The following TGFBR3 variants were observed in gnomAD, a reference collection of about 807,000 sequenced individuals.
TGFBR3 encodes transforming growth factor beta receptor type 3.
A neutral mutation model predicts 87.9 loss-of-function variants in TGFBR3; 46 were observed. That is an observed-to-expected ratio of 0.52 (90% CI 0.41 to 0.67). The LOEUF is 0.67. Among genes scored for constraint, TGFBR3 ranks in the 30% least tolerant of loss-of-function variants. The pLI is 0.00. For missense variants in TGFBR3, 866 were observed against 1,041.9 expected (o/e 0.83, Z 2.32); for synonymous variants, 381 against 391.6 (o/e 0.97, Z 0.32).
At chr1:91,709,697 T>C (rs1671916581) in intron 13 of TGFBR3, among the ~76,000 whole-genome samples, 1 of 152,186 alleles carries the variant, frequency 6.6e-6, no homozygotes, top group Non-Finnish European at 1.5e-5. Flanking sequence ...AAAAATATGA[T>C]CACACTCCGC....
chr1:91,817,339 T>C (rs761887587), intron 2 of TGFBR3, among the ~76,000 whole-genome samples: 30 of 152,174 alleles, frequency 2.0e-4, no homozygotes, highest in Non-Finnish European at 3.5e-4. Flanking sequence ...ATTAGCACTG[T>C]GTAATATATA....
At chr1:91,804,324 T>C (rs1407343725) in intron 2 of TGFBR3, among the ~76,000 whole-genome samples, 1 of 152,130 alleles carries the variant, frequency 6.6e-6, no homozygotes, top group African/African-American at 2.4e-5. Context: ...TCCCGGACAC[T>C]CTTCTGGCCA....
intron 3 of TGFBR3, chr1:91,786,260 C>G (rs778484702): frequency 6.6e-6 from 3 of 456,038 alleles, no homozygotes; most frequent in Non-Finnish European, 1.3e-5. Flanking sequence ...ATTATGAGAG[C>G]ATTATTTAGA....
intron 7 of TGFBR3, 84 bp downstream of exon 7, chr1:91,727,575 A>C (rs1258557680): frequency 6.4e-7 from 1 of 1,563,184 alleles, no homozygotes; most frequent in Non-Finnish European, 8.8e-7. Context: ...AGAGGCAGGA[A>C]CTTTAAAAAT....
intron 2 of TGFBR3, among the ~76,000 whole-genome samples, chr1:91,894,892 TC>T (rs1392612129): frequency 6.6e-6 from 1 of 152,204 alleles, no homozygotes; most frequent in African/African-American, 2.4e-5. Context: ...TGCCTCAGCC[TC>T]CCGAGTAGCT....
At chr1:91,868,561 T>C (rs993981950) in intron 1 of TGFBR3, among the ~76,000 whole-genome samples, 2 of 152,196 alleles carry the variant, frequency 1.3e-5, no homozygotes, top group Admixed American at 1.3e-4. Flanking sequence ...TATTTGATGA[T>C]TCCCAATTAG....
chr1:91,783,912 G>A (rs888134547), intron 3 of TGFBR3, among the ~76,000 whole-genome samples: 1 of 152,138 alleles, frequency 6.6e-6, no homozygotes, highest in African/African-American at 2.4e-5. Flanking sequence ...AGAATTGGCT[G>A]GAGTCACCCC....
At chr1:91,780,459 G>C (rs766800753) in intron 3 of TGFBR3, among the ~76,000 whole-genome samples, 41 of 148,700 alleles carry the variant, frequency 2.8e-4, no homozygotes, top group Admixed American at 5.4e-4. Context: ...CCTGAGAGCA[G>C]TGATTCTTGT....
chr1:91,732,293 T>C (rs952667743), intron 5 of TGFBR3, among the ~76,000 whole-genome samples: 6 of 152,066 alleles, frequency 3.9e-5, no homozygotes, highest in African/African-American at 1.4e-4. Flanking sequence ...ATTCTGGGTA[T>C]ATAGATGAGA....
At chr1:91,881,295 C>T (rs779977150) in intron 1 of TGFBR3, among the ~76,000 whole-genome samples, 3 of 152,150 alleles carry the variant, frequency 2.0e-5, no homozygotes, top group Admixed American at 6.6e-5. Context: ...AGATTCTGCC[C>T]TCAGAAAAAC....
intron 4 of TGFBR3, among the ~76,000 whole-genome samples, chr1:91,752,457 C>T (rs544920653): frequency 1.3e-5 from 2 of 152,074 alleles, no homozygotes; most frequent in African/African-American, 2.4e-5. Context: ...GATCACAGCA[C>T]AGTAATATCG....
At chr1:91,706,539 C>T (rs1571425123) in intron 14 of TGFBR3, among the ~76,000 whole-genome samples, 1 of 152,188 alleles carries the variant, frequency 6.6e-6, no homozygotes, top group South Asian at 2.1e-4. Context: ...ACCCTAGTTC[C>T]GGGAATTGCC....
upstream of TGFBR3, among the ~76,000 whole-genome samples, chr1:91,886,687 G>T (rs1236853352): frequency 6.6e-6 from 1 of 152,134 alleles, no homozygotes; most frequent in East Asian, 1.9e-4. Flanking sequence ...CTGTCCCTGT[G>T]CTTTTTCCCA....
At chr1:91,856,596 C>A (rs2101169281) in intron 2 of TGFBR3, among the ~76,000 whole-genome samples, 1 of 152,308 alleles carries the variant, frequency 6.6e-6, no homozygotes, top group South Asian at 2.1e-4. Context: ...GGCCACATAA[C>A]CAAAAGGAGG....
chr1:91,681,677 CTTAAA>C lies in TGFBR3; in HGVS notation c.*2057_*2061del. ...AAATTAAACATTTCATATGGAGTAA[CTTAAA>C]TTTATCTAAAACACTTAAATATATC... is the stretch of plus-strand genomic sequence containing the variant. On this transcript the variant is annotated 3_prime_UTR_variant, in exon 17 of 17. Transcript: ENST00000212355. The C allele has an allele frequency of 2.3e-6, 1 of 442,484 alleles. No homozygotes were observed. Among genetic ancestry groups the C allele is most frequent in the Non-Finnish European group, 4.5e-6 (1 of 223,472 alleles). The allele number at this position is 442,484 out of a possible 1,614,324, so 27.4% of individuals were successfully genotyped here.
intron 12 of TGFBR3, among the ~76,000 whole-genome samples, chr1:91,713,385 G>A (rs917509572): frequency 6.6e-6 from 1 of 152,174 alleles, no homozygotes; most frequent in East Asian, 1.9e-4. Context: ...CCTGAACTTA[G>A]CTAAAATCCC....
At chr1:91,777,869 G>A (rs963850617) in intron 3 of TGFBR3, among the ~76,000 whole-genome samples, 3 of 152,210 alleles carry the variant, frequency 2.0e-5, no homozygotes, top group Admixed American at 6.5e-5. Context: ...CACAAAGGCA[G>A]CTGCAGCTGA....
intron 1 of TGFBR3, among the ~76,000 whole-genome samples, chr1:91,876,111 G>T (rs1236528540): frequency 1.3e-5 from 2 of 152,004 alleles, no homozygotes; most frequent in African/African-American, 4.8e-5. Context: ...GTGTGGTGGG[G>T]GTGTGGTGGG....
intron 3 of TGFBR3, among the ~76,000 whole-genome samples, chr1:91,790,466 A>G (rs1270269911): frequency 6.6e-6 from 1 of 152,200 alleles, no homozygotes; most frequent in Non-Finnish European, 1.5e-5. Flanking sequence ...GCAATGCATG[A>G]CAGTATCTGT....
Sources: gnomAD v4.1 joint callset for allele counts (sites outside exome capture counted in the v4.1 genomes callset) on GRCh38, gnomAD v4.1.1 for gene constraint, MANE v1.5 for transcripts, NCBI Gene and HGNC (gene_info 2026-07-23, HGNC 2026-07-21) for gene names.